The following SCART1 variants were observed in gnomAD, a reference collection of about 807,000 sequenced individuals.
SCART1 encodes the protein scavenger receptor family member expressed on T cells 1.
Under a neutral mutation model 36.2 loss-of-function variants are expected in SCART1, and 62 were observed. The observed-to-expected ratio is 1.71, with a 90% CI of 1.40 to 2.12. The LOEUF (loss-of-function observed/expected upper bound fraction) is 2.12. Among genes scored for constraint, SCART1 ranks in the 30% most tolerant of loss-of-function variants. The pLI, the probability that SCART1 is intolerant of heterozygous loss-of-function variation, is 0.00. For synonymous variants in SCART1, 487 were observed against 238.7 expected, an observed-to-expected ratio of 2.04 and a Z score of -9.59; for missense variants, 1,041 against 540.5, an observed-to-expected ratio of 1.93 and a Z score of -9.18.
At position 133,459,681 on chromosome 10, in the gene SCART1, G is replaced by A. The variant is rs1388104585; in HGVS notation, c.1480G>A (p.Val494Ile). The change falls in exon 6 of 12, where the codon GTC (valine) becomes ATC (isoleucine). Residue 494 changes from valine to isoleucine, a missense_variant. Physicochemically the swap from Val to Ile is conservative, Grantham distance 29. Transcript: ENST00000640237. ...CGCACCTGCCCCCAGCCGCGGATCC[G>A]TCCAGGTGGCGCTGAGCCGCGTGCG... is the stretch of plus-strand genomic sequence containing the variant. The A allele has an allele frequency of 1.3e-5, 9 of 699,568 alleles. No individual in the cohort carries two copies. In the African/African-American group the frequency reaches 1.6e-4, roughly 12 times the overall value. 43.3% of individuals were successfully genotyped at this position (699,568 alleles called of 1,614,324 possible). A position where few individuals can be genotyped will look rare whatever the true frequency, so the allele number is the denominator to read the frequency against.
In SCART1 at chr10:133,464,787, TC is replaced by T. The variant is rs776023452; in HGVS notation, c.2155del (p.Leu719SerfsTer206). On this transcript the variant is annotated frameshift_variant, in exon 7 of 12. Coordinates refer to ENST00000640237, the Ensembl canonical transcript of SCART1. LOFTEE classifies it high-confidence loss of function. ...TGGGGCTGGCTGGAGAACAGGCCCT[TC>T]CCCTCTGCGGGCACCGGGACCGCCT... is the stretch of plus-strand genomic sequence containing the variant. The T allele has an allele frequency of 1.0e-5, 7 of 702,414 alleles. No individual in the cohort carries two copies. The South Asian group carries it at 1.0e-4, about 10-fold the overall frequency. The allele number at this position is 702,414 out of a possible 1,614,324, so 43.5% of individuals were successfully genotyped here. A position where few individuals can be genotyped will look rare whatever the true frequency, so the allele number is the denominator to read the frequency against.
downstream of SCART1, among the ~76,000 whole-genome samples, chr10:133,469,424 T>A (rs1442995657): frequency 6.6e-6 from 1 of 152,162 alleles, no homozygotes; most frequent in Non-Finnish European, 1.5e-5. Flanking sequence ...GAAAAAAGGA[T>A]GAATTCATGT....
intron 6 of SCART1, among the ~76,000 whole-genome samples, chr10:133,463,757 G>A (rs549781521): frequency 6.6e-6 from 1 of 152,124 alleles, no homozygotes; most frequent in African/African-American, 2.4e-5. Flanking sequence ...TCCATATAAT[G>A]TGTAGTGATA....
exon 1 of SCART1, chr10:133,454,039 T>C: frequency 2.8e-6 from 2 of 702,986 alleles, no homozygotes; most frequent in South Asian, 3.0e-5. Flanking sequence ...GGCCCCTTCT[T>C]CTGAATCTCT....
rs772331442 is a variant in SCART1 at position 133,466,382 on chromosome 10, G to T, written c.2806+1G>T. The T allele has an allele frequency of 1.4e-6, 1 of 702,240 alleles. No homozygotes were observed. The highest frequency in any genetic ancestry group is 1.5e-5 in the South Asian group (1 of 67,522). The allele number at this position is 702,240 out of a possible 1,614,324, so 43.5% of individuals were successfully genotyped here. A position where few individuals can be genotyped will look rare whatever the true frequency, so the allele number is the denominator to read the frequency against. ...CGAGTCACACAAGCCATGCAGAGGGGTAAGCGTGAGCCCACCCTGATCCCA... is the reference window on the plus strand; with the variant it reads ...CGAGTCACACAAGCCATGCAGAGGGTTAAGCGTGAGCCCACCCTGATCCCA... On this transcript the variant is annotated splice_donor_variant, in intron 10 of 11. Transcript: ENST00000640237. LOFTEE classifies it high-confidence loss of function.
chr10:133,463,362 A>C (rs1850725622), intron 6 of SCART1, among the ~76,000 whole-genome samples: 1 of 152,160 alleles, frequency 6.6e-6, no homozygotes, highest in African/African-American at 2.4e-5. Flanking sequence ...ACAATGCAAT[A>C]TTATTAACTA....
exon 3 of SCART1, chr10:133,457,391 G>A: frequency 1.4e-6 from 1 of 702,132 alleles, no homozygotes; most frequent in Non-Finnish European, 2.6e-6. Context: ...ATGTGGAGGA[G>A]GCCATGGTGT....
intron 6 of SCART1, among the ~76,000 whole-genome samples, chr10:133,460,496 A>ATATATATATATATATATATATTTTTTTT: frequency 7.4e-6 from 1 of 136,000 alleles, no homozygotes; most frequent in Non-Finnish European, 1.6e-5. Context: ...ATATTTATAT[A>ATATATATATATATATATATATTTTTTTT]TTTTAAAAAA....
chr10:133,458,677 T>C (rs1268228042), intron 4 of SCART1, 21 bp downstream of exon 4: 1 of 700,402 alleles, frequency 1.4e-6, no homozygotes, highest in Non-Finnish European at 2.6e-6. Context: ...GTGTGTGGGC[T>C]CTGAAGGCTC....
chr10:133,464,386 G>A, intron 6 of SCART1: 1 of 501,140 alleles, frequency 2.0e-6, no homozygotes, highest in Non-Finnish European at 3.5e-6. Flanking sequence ...TGGGCGTGCA[G>A]ATGTTTCTGC....
chr10:133,454,360 C>G (rs1311872742), intron 1 of SCART1, among the ~76,000 whole-genome samples: 1 of 151,584 alleles, frequency 6.6e-6, no homozygotes, highest in East Asian at 1.9e-4. Context: ...TGACCCTGAT[C>G]AACAGAGTCC....
chr10:133,459,588 T>C (rs1456054661), exon 6 of SCART1: 1 of 674,704 alleles, frequency 1.5e-6, no homozygotes, highest in Non-Finnish European at 2.7e-6. Flanking sequence ...GGACGATGCC[T>C]GGGACCTGCG....
chr10:133,459,207 C>A (rs998707272), exon 5 of SCART1: 6 of 701,572 alleles, frequency 8.6e-6, no homozygotes, highest in Admixed American at 8.0e-5. Flanking sequence ...GGGGACGCTG[C>A]CATCTGGCCT....
chr10:133,457,310 G>C, exon 3 of SCART1: 1 of 700,348 alleles, frequency 1.4e-6, no homozygotes, highest in South Asian at 1.5e-5. Context: ...GGCTGGTGAA[G>C]GGCCGCAGTC....
downstream of SCART1, among the ~76,000 whole-genome samples, chr10:133,469,456 A>T (rs1469407241): frequency 6.6e-6 from 1 of 152,192 alleles, no homozygotes; most frequent in Non-Finnish European, 1.5e-5. Context: ...ACGTGGATGA[A>T]GCTGGAAAAC....
At position 133,465,033 on chromosome 10, in the gene SCART1, A is replaced by G. The variant is rs939987502; in HGVS notation, c.2276-73A>G. 60 of 701,112 alleles carry G rather than the reference A, an allele frequency of 8.6e-5. No homozygotes were observed. The Admixed American group carries it at 1.2e-3, about 14-fold the overall frequency. 43.4% of individuals were successfully genotyped at this position (701,112 alleles called of 1,614,324 possible). On this transcript the variant is annotated intron_variant, in intron 7 of 11. Transcript: ENST00000640237. ...CAATCAGAGCCTGGGCCTGGGGGTC[A>G]CTAGGATCCACAGCCTTCCTTGTGA...
chr10:133,467,248 G>A (rs1336913179), exon 11 of SCART1: 1 of 702,952 alleles, frequency 1.4e-6, no homozygotes, highest in Non-Finnish European at 2.6e-6. Context: ...TGATGTCATT[G>A]GGGAAATGCC....
At chr10:133,467,033 G>C in intron 10 of SCART1, 165 bp from the exon 11 acceptor site, 1 of 531,984 alleles carries the variant, frequency 1.9e-6, no homozygotes, top group Non-Finnish European at 3.3e-6. Flanking sequence ...GGGATGGGAG[G>C]GCACTGGGAG....
chr10:133,458,544 G>C (rs1258634154), exon 4 of SCART1: 1 of 680,858 alleles, frequency 1.5e-6, no homozygotes, highest in Non-Finnish European at 2.6e-6. Context: ...GCTCGGGGCC[G>C]GTGTGGACGG....
Sources: gnomAD v4.1 joint callset for allele counts (sites outside exome capture counted in the v4.1 genomes callset) on GRCh38, gnomAD v4.1.1 for gene constraint, MANE v1.5 for transcripts, NCBI Gene and HGNC (gene_info 2026-07-23, HGNC 2026-07-21) for gene names.